The following ATP8A1 variants were observed in gnomAD, a reference collection of about 807,000 sequenced individuals.
The protein encoded by ATP8A1 is phospholipid-transporting ATPase IA.
Under a neutral mutation model 177.7 loss-of-function variants are expected in ATP8A1, and 90 were observed. That is an observed-to-expected ratio of 0.51 (90% confidence interval 0.43 to 0.60). ATP8A1 has a LOEUF of 0.60. Ranked by LOEUF, ATP8A1 falls within the 20% of genes least tolerant of loss-of-function variation. The pLI is 0.00. For missense variants in ATP8A1, 1,072 were observed against 1,392.8 expected, an observed-to-expected ratio of 0.77 and a Z score of 3.67; for synonymous variants, 493 against 485.9, an observed-to-expected ratio of 1.01 and a Z score of -0.19.
At chr4:42,478,022 T>C (rs1243004495) in intron 25 of ATP8A1, among the ~76,000 whole-genome samples, 1 of 151,884 alleles carries the variant, frequency 6.6e-6, no homozygotes, top group Non-Finnish European at 1.5e-5. Context: ...GTTCTACATA[T>C]AGTGACATGG....
intron 1 of ATP8A1, among the ~76,000 whole-genome samples, chr4:42,650,010 G>GA (rs944427534): frequency 4.6e-5 from 7 of 152,156 alleles, no homozygotes; most frequent in African/African-American, 1.7e-4. Context: ...GAATGAAGGG[G>GA]AAAGTGGTGG....
At chr4:42,475,793 T>C (rs1403710938) in intron 25 of ATP8A1, among the ~76,000 whole-genome samples, 9 of 152,078 alleles carry the variant, frequency 5.9e-5, no homozygotes, top group Non-Finnish European at 1.2e-4. Context: ...ATCCCAGCGC[T>C]TTGGGAGGCC....
chr4:42,590,328 C>A (rs922991661), intron 7 of ATP8A1, among the ~76,000 whole-genome samples: 5 of 151,960 alleles, frequency 3.3e-5, no homozygotes, highest in African/African-American at 1.2e-4. Flanking sequence ...CCCTATGAGC[C>A]CAAATTATAG....
chr4:42,632,918 A>C (rs1738897745), intron 1 of ATP8A1, among the ~76,000 whole-genome samples: 1 of 152,204 alleles, frequency 6.6e-6, no homozygotes, highest in Non-Finnish European at 1.5e-5. Context: ...TCTCAGCTCT[A>C]AAATTCTGTG....
rs13125400 is a variant in ATP8A1 at position 42,553,447 on chromosome 4, C to G, written c.1414-837G>C. Among the ~76,000 whole-genome samples, 821 of 152,206 alleles carry G rather than the reference C, an allele frequency of 5.4e-3. 3 individuals are homozygous for G. Among genetic ancestry groups the G allele is most frequent in the Non-Finnish European group, 8.5e-3 (581 of 68,002 alleles). The stretch of plus-strand genomic sequence containing the variant: ...AAAAAATTATGAACAACTCCTATGT[C>G]CAGGGGACTCTTACAGCCTGAGAAG... On this transcript the variant is annotated intron_variant, in intron 16 of 36. Coordinates refer to ENST00000381668, the MANE Select transcript of ATP8A1 (RefSeq NM_006095.2).
Position 42,485,577 on chromosome 4 carries a change from G to C in ATP8A1, c.2243C>G (p.Thr748Ser). The C allele has an allele frequency of 3.7e-6, 6 of 1,613,744 alleles. No homozygotes were observed. Among genetic ancestry groups the C allele is most frequent in the Non-Finnish European group, 5.1e-6 (6 of 1,179,764 alleles). ...NDFALIIDGK[T>S]LKYALTFGVR... The stretch of plus-strand genomic sequence containing the variant: ...TCCAAAGGTTAAGGCATATTTGAGG[G>C]TTTTCCCATCAATTATAAGAGCAAA... Residue 748 changes from threonine to serine, a missense_variant, in exon 25 of 37, where the codon ACC (threonine) becomes AGC (serine). By Grantham distance (58) the Thr-to-Ser change is moderately conservative. Around this residue, in one of 5 missense-constraint regions of ATP8A1, gnomAD observed 388 missense variants for 471.7 expected, o/e 0.82. Transcript: ENST00000381668.
chr4:42,656,640 T>G (rs1444225628), intron 1 of ATP8A1, among the ~76,000 whole-genome samples, 185 bp downstream of exon 1: 1 of 151,832 alleles, frequency 6.6e-6, no homozygotes, highest in African/African-American at 2.4e-5. Flanking sequence ...TACTGGAGCC[T>G]GGAAAGGGTC....
At chr4:42,440,937 T>C (rs1274953485) in intron 33 of ATP8A1, among the ~76,000 whole-genome samples, 5 of 151,924 alleles carry the variant, frequency 3.3e-5, no homozygotes, top group African/African-American at 1.2e-4. Flanking sequence ...TTATTTAGTG[T>C]GGAAGGAATT....
chr4:42,451,610 C>G (rs1717940222), intron 30 of ATP8A1, among the ~76,000 whole-genome samples: 1 of 152,136 alleles, frequency 6.6e-6, no homozygotes, highest in Non-Finnish European at 1.5e-5. Context: ...ACCAGCATGT[C>G]TGATTAAGTT....
chr4:42,443,496 G>A (rs1327877038), intron 33 of ATP8A1, 69 bp downstream of exon 33: 8 of 707,574 alleles, frequency 1.1e-5, no homozygotes, highest in South Asian at 3.3e-5. Context: ...TATGCTAAAC[G>A]ATTAAGGTTT....
At chr4:42,598,033 C>T (rs1000143563) in intron 6 of ATP8A1, among the ~76,000 whole-genome samples, 10 of 152,142 alleles carry the variant, frequency 6.6e-5, no homozygotes, top group African/African-American at 2.4e-4. Flanking sequence ...TTTCACATAG[C>T]CTGCCTACTT....
intron 25 of ATP8A1, among the ~76,000 whole-genome samples, chr4:42,475,491 C>CAAAAA (rs10655191): frequency 7.5e-6 from 1 of 132,672 alleles, no homozygotes; most frequent in African/African-American, 3.0e-5. Context: ...AAATATCAGA[C>CAAAAA]AAAAAAAAAA....
intron 22 of ATP8A1, among the ~76,000 whole-genome samples, chr4:42,516,059 A>G (rs1725505186): frequency 6.6e-6 from 1 of 152,216 alleles, no homozygotes; most frequent in African/African-American, 2.4e-5. Context: ...GTACTTATTA[A>G]GCTCCAACTT....
chr4:42,653,534 T>G (rs1418094199), intron 1 of ATP8A1, among the ~76,000 whole-genome samples: 1 of 152,236 alleles, frequency 6.6e-6, no homozygotes, highest in African/African-American at 2.4e-5. Context: ...TAATTCTGAC[T>G]TTTGTCATTT....
chr4:42,561,742 G>C (rs1281108026), intron 15 of ATP8A1: 1 of 152,186 alleles, frequency 6.6e-6, no homozygotes, highest in Non-Finnish European at 1.5e-5. Context: ...GACCTGCAGG[G>C]AGCTGAGCTC....
chr4:42,602,637 C>T (rs867205843), intron 5 of ATP8A1, among the ~76,000 whole-genome samples: 9 of 152,154 alleles, frequency 5.9e-5, no homozygotes, highest in East Asian at 1.9e-4. Context: ...GGCATGGTGG[C>T]GCACACCCGT....
chr4:42,506,871 G>C lies in ATP8A1; in HGVS notation c.2086+145C>G, dbSNP rs936709667. On this transcript the variant is annotated intron_variant, in intron 23 of 36. Transcript: ENST00000381668. The stretch of plus-strand genomic sequence containing the variant: ...ATGTGCCACTTATGGATGGGAGGCA[G>C]AGATGCAATGGTGAAAAAAGATTGG... 2.3e-5 allele frequency: 22 copies of C among 943,112 alleles called. 1 individual carries two copies. In the South Asian group the frequency reaches 3.8e-4, roughly 16 times the overall value. The allele number at this position is 943,112 out of a possible 1,614,324, so 58.4% of individuals were successfully genotyped here.
intron 20 of ATP8A1, among the ~76,000 whole-genome samples, chr4:42,529,469 G>A (rs1727039384): frequency 1.3e-5 from 2 of 152,198 alleles, no homozygotes; most frequent in Non-Finnish European, 2.9e-5. Flanking sequence ...AGTGGGTCAT[G>A]CACCAGCAGC....
chr4:42,642,185 C>A (rs1740063367), intron 1 of ATP8A1, among the ~76,000 whole-genome samples: 1 of 152,164 alleles, frequency 6.6e-6, no homozygotes, highest in South Asian at 2.1e-4. Flanking sequence ...CTCTCATCTG[C>A]CTGTTGATAA....
Sources: allele counts gnomAD v4.1 joint callset (sites outside exome capture counted in the v4.1 genomes callset), GRCh38; gene constraint gnomAD v4.1.1; regional missense constraint gnomAD v4.1.1; transcripts MANE v1.5; gene names NCBI Gene and HGNC (gene_info 2026-07-23, HGNC 2026-07-21).